The following SORL1 variants were observed in gnomAD, a reference collection of about 807,000 sequenced individuals.
SORL1 encodes the protein sortilin-related receptor.
In SORL1, 127 loss-of-function variants were observed where a neutral mutation model predicts 273.7. The observed-to-expected ratio is 0.46, with a 90% CI of 0.40 to 0.54. The LOEUF (loss-of-function observed/expected upper bound fraction) is 0.54, where lower values mean the gene tolerates loss of function less well. Among genes scored for constraint, SORL1 ranks in the 20% least tolerant of loss-of-function variants. The probability of loss-of-function intolerance (pLI) is 0.00; values close to 1 mark genes in which losing one functional copy is unlikely to be tolerated. For missense variants in SORL1, 2,494 were observed against 2,846.1 expected, an observed-to-expected ratio of 0.88 and a Z score of 2.81; for synonymous variants, 1,031 against 1,067.4, an observed-to-expected ratio of 0.97 and a Z score of 0.66.
chr11:121,501,168 T>C (rs1366158602), intron 6 of SORL1, among the ~76,000 whole-genome samples: 1 of 152,244 alleles, frequency 6.6e-6, no homozygotes, highest in Non-Finnish European at 1.5e-5. Context: ...ATTTACAGAT[T>C]AAAAATAAAA....
At chr11:121,475,056 A>G (rs1434052370) in intron 2 of SORL1, among the ~76,000 whole-genome samples, 1 of 152,154 alleles carries the variant, frequency 6.6e-6, no homozygotes. Context: ...TAGGAGTTGG[A>G]GACCAGCCTA....
rs1863438216 is a variant in SORL1, at chr11:121,604,432, C to T, written c.4651+108C>T. On this transcript the variant is annotated intron_variant, in intron 33 of 47. Transcript: ENST00000260197. ...GAGCTAGGACCCTTTTGAACTGTTG[C>T]TCAATCTAAGGATAAAACAGATTTG... 5 of 1,374,182 alleles carry T rather than the reference C, an allele frequency of 3.6e-6. 1 individual carries two copies. The South Asian group carries it at 4.2e-5, about 12-fold the overall frequency. 85.1% of individuals were successfully genotyped at this position (1,374,182 alleles called of 1,614,324 possible). A position where few individuals can be genotyped will look rare whatever the true frequency, so the allele number is the denominator to read the frequency against.
Position 121,588,157 on chromosome 11 carries a change from T to A in SORL1, c.3946+6T>A. The A allele has an allele frequency of 6.2e-7, 1 of 1,612,546 alleles. No homozygotes were observed. Among genetic ancestry groups the A allele is most frequent in the Non-Finnish European group, 8.5e-7 (1 of 1,179,134 alleles). On this transcript the variant is annotated splice_donor_region_variant and intron_variant, in intron 28 of 47. Coordinates refer to ENST00000260197, the MANE Select transcript of SORL1 (RefSeq NM_003105.6). ...TGCGGCGTTTGCAGGATGCTGTGAG[T>A]TGGGGCAGGCAGGGGAGGTGACTCA...
chr11:121,461,540 G>A (rs1445670414), intron 1 of SORL1, among the ~76,000 whole-genome samples: 4 of 152,204 alleles, frequency 2.6e-5, no homozygotes, highest in Non-Finnish European at 4.4e-5. Flanking sequence ...CCCTCACAGG[G>A]TGGTGAAGAA....
chr11:121,515,148 C>T (rs1028492590), intron 8 of SORL1, among the ~76,000 whole-genome samples: 1 of 152,220 alleles, frequency 6.6e-6, no homozygotes, highest in Non-Finnish European at 1.5e-5. Context: ...CACAGGTATG[C>T]TGCTGCTCTC....
chr11:121,585,637 T>C (rs1863090849), intron 26 of SORL1, among the ~76,000 whole-genome samples: 3 of 152,208 alleles, frequency 2.0e-5, no homozygotes, highest in Admixed American at 2.0e-4. Flanking sequence ...CACTTTTTCC[T>C]AATAGGAAAC....
chr11:121,602,494 A>G (rs946798772), intron 32 of SORL1, among the ~76,000 whole-genome samples: 1 of 152,180 alleles, frequency 6.6e-6, no homozygotes, highest in African/African-American at 2.4e-5. Context: ...TTTCACCTCT[A>G]GGAAAATATC....
At chr11:121,542,002 G>A (rs1419323287) in intron 12 of SORL1, among the ~76,000 whole-genome samples, 3 of 152,178 alleles carry the variant, frequency 2.0e-5, no homozygotes, top group African/African-American at 4.8e-5. Flanking sequence ...GAACACCCAT[G>A]AAACCTTCAC....
intron 11 of SORL1, among the ~76,000 whole-genome samples, chr11:121,528,857 G>A (rs1207615563): frequency 6.6e-6 from 1 of 152,154 alleles, no homozygotes; most frequent in Non-Finnish European, 1.5e-5. Context: ...TTGAGGTAGT[G>A]TTCTGTAGAT....
At chr11:121,508,068 A>G (rs1437850732) in intron 6 of SORL1, among the ~76,000 whole-genome samples, 1 of 152,226 alleles carries the variant, frequency 6.6e-6, no homozygotes, top group Non-Finnish European at 1.5e-5. Flanking sequence ...TCAGCTAATG[A>G]TAAGACAGAG....
chr11:121,562,717 A>G (rs1199822706), intron 21 of SORL1, among the ~76,000 whole-genome samples: 1 of 152,214 alleles, frequency 6.6e-6, no homozygotes, highest in African/African-American at 2.4e-5. Flanking sequence ...GGGAGGTTGT[A>G]AAGTGCTTCC....
chr11:121,452,350 A>G lies in SORL1; in HGVS notation c.19A>G (p.Arg7Gly). MATRSS[R>G]RESRLPFLFT... ...CCCGAACATGGCGACACGGAGCAGC[A>G]GGAGGGAGTCGCGACTCCCGTTCCT... Residue 7 changes from arginine (R) to glycine (G), a missense_variant, in exon 1 of 48, where the codon AGG (arginine) becomes GGG (glycine). Physicochemically the swap from Arg to Gly is moderately radical, Grantham distance 125. Coordinates refer to ENST00000260197, the MANE Select transcript of SORL1 (RefSeq NM_003105.6). This position sits in a 1 kb window ranked among gnomAD's most constrained non-coding sequence, Gnocchi z 5.3. 2 of 1,553,674 alleles carry G rather than the reference A, an allele frequency of 1.3e-6. No homozygotes were observed. Among genetic ancestry groups the G allele is most frequent in the South Asian group, 1.2e-5 (1 of 83,972 alleles).
At chr11:121,520,580 A>G in intron 8 of SORL1, 77 bp from the exon 9 acceptor site, 2 of 1,042,476 alleles carry the variant, frequency 1.9e-6, no homozygotes, top group Non-Finnish European at 2.8e-6. Flanking sequence ...ATACTTTTAA[A>G]TGGTCAAATT....
At chr11:121,606,269 G>C (rs1444652317) in intron 35 of SORL1, among the ~76,000 whole-genome samples, 2 of 152,190 alleles carry the variant, frequency 1.3e-5, no homozygotes, top group Non-Finnish European at 2.9e-5. Context: ...GTGTCTAAGA[G>C]AGTTCCTCGC....
rs1332558324 is a variant in SORL1, at chr11:121,579,677, G to C, written c.3580+2277G>C. 4.6e-5 allele frequency among the ~76,000 whole-genome samples: 7 copies of C among 152,076 alleles called. No homozygotes were observed. The East Asian group carries it at 1.3e-3, about 29-fold the overall frequency. Reference sequence around the variant, plus strand: ...TACAGTTCCAGTACTAAAATACCTAGTATTTTAAACACTAAATATTTAGTA... The same window carrying C: ...TACAGTTCCAGTACTAAAATACCTACTATTTTAAACACTAAATATTTAGTA... On this transcript the variant is annotated intron_variant, in intron 25 of 47. Coordinates refer to ENST00000260197, the MANE Select transcript of SORL1 (RefSeq NM_003105.6).
chr11:121,573,366 C>T (rs1862877326), intron 23 of SORL1, among the ~76,000 whole-genome samples: 1 of 152,160 alleles, frequency 6.6e-6, no homozygotes, highest in African/African-American at 2.4e-5. Context: ...AATCCTAGCA[C>T]TTTGGGAGGC....
At chr11:121,613,816 C>T (rs564594444) in intron 40 of SORL1, among the ~76,000 whole-genome samples, 4 of 152,150 alleles carry the variant, frequency 2.6e-5, no homozygotes, top group Non-Finnish European at 5.9e-5. Flanking sequence ...TAGTGTTGCC[C>T]CAGTAGAAAC....
chr11:121,460,552 C>T (rs1033641776), intron 1 of SORL1, among the ~76,000 whole-genome samples: 14 of 151,982 alleles, frequency 9.2e-5, no homozygotes, highest in African/African-American at 2.4e-4. Context: ...CGCACCACCA[C>T]GCCCGGCTAA....
At chr11:121,534,348 C>T (rs944781566) in intron 12 of SORL1, among the ~76,000 whole-genome samples, 7 of 152,260 alleles carry the variant, frequency 4.6e-5, no homozygotes, top group Non-Finnish European at 7.4e-5. Flanking sequence ...GCTCAGGGAA[C>T]GCAGCGTCAT....
Sources: allele counts gnomAD v4.1 joint callset (sites outside exome capture counted in the v4.1 genomes callset), GRCh38; gene constraint gnomAD v4.1.1; non-coding constraint Gnocchi (gnomAD v3.1); transcripts MANE v1.5; gene names NCBI Gene and HGNC (gene_info 2026-07-23, HGNC 2026-07-21).